Variants in PRDM16 observed in about 807,000 individuals in gnomAD.
PRDM16 encodes PR/SET domain 16, also known as histone-lysine N-methyltransferase PRDM16.
PRDM16 carries 23 observed loss-of-function variants against 110.6 expected under a neutral mutation model. That is an observed-to-expected ratio of 0.21 (90% CI 0.15 to 0.29). The LOEUF (loss-of-function observed/expected upper bound fraction) is 0.29, where lower values mean the gene tolerates loss of function less well. Ranked by LOEUF, PRDM16 falls within the 10% of genes least tolerant of loss-of-function variation. The pLI is 1.00. For missense variants in PRDM16, 1,615 were observed against 1,794.3 expected (o/e 0.90, Z 1.81); for synonymous variants, 799 against 781.8 (o/e 1.02, Z -0.37).
intron 2 of PRDM16, among the ~76,000 whole-genome samples, chr1:3,202,351 G>A (rs1490840153): frequency 6.6e-6 from 1 of 151,050 alleles, no homozygotes; most frequent in African/African-American, 2.4e-5. Flanking sequence ...GGGAGTCTGG[G>A]GGAGGCTGGG....
chr1:3,163,316 G>T (rs1309779222), intron 1 of PRDM16, among the ~76,000 whole-genome samples: 2 of 132,234 alleles, frequency 1.5e-5, no homozygotes, highest in Admixed American at 1.6e-4. Flanking sequence ...TGGGAGAGGG[G>T]ATGTCCGCAG....
intron 14 of PRDM16, among the ~76,000 whole-genome samples, chr1:3,426,659 C>T (rs562521937): frequency 6.6e-6 from 1 of 152,308 alleles, no homozygotes; most frequent in Admixed American, 6.5e-5. Context: ...CACACATGCA[C>T]ACATAGGTAT....
chr1:3,337,540 A>G (rs1642185703), intron 3 of PRDM16, among the ~76,000 whole-genome samples: 1 of 152,162 alleles, frequency 6.6e-6, no homozygotes, highest in Non-Finnish European at 1.5e-5. Context: ...GACCATCATC[A>G]GGGACCTTTG....
At chr1:3,387,948 C>CGCTGTGACG (rs1385559813) in intron 4 of PRDM16, among the ~76,000 whole-genome samples, 30 of 152,342 alleles carry the variant, frequency 2.0e-4, no homozygotes, top group African/African-American at 6.7e-4. Flanking sequence ...CCCTCTCGCG[C>CGCTGTGACG]GCTGTGACGG....
chr1:3,291,460 A>G (rs2100358938), intron 3 of PRDM16, among the ~76,000 whole-genome samples: 1 of 152,222 alleles, frequency 6.6e-6, no homozygotes, highest in East Asian at 2.0e-4. Context: ...TTTGGAAGAT[A>G]CCCCAATAAA....
In PRDM16 at chr1:3,358,878, G is replaced by A. The variant is rs1194221321; in HGVS notation, c.439-26274G>A. Among the ~76,000 whole-genome samples the A allele has an allele frequency of 6.6e-6, 1 of 152,142 alleles. No individual in the cohort carries two copies. The highest frequency in any genetic ancestry group is 1.5e-5 in the Non-Finnish European group (1 of 68,030). ...TTGAGGAAAACAGACACCCCTCTTG[G>A]GCCGCAGAGGAGGTGGGGAAGCCGT... is the stretch of plus-strand genomic sequence containing the variant. On this transcript the variant is annotated intron_variant, in intron 3 of 16. Transcript: ENST00000270722. The surrounding 1 kb of genome is among the most constrained non-coding windows in gnomAD (Gnocchi z 4.0).
chr1:3,296,353 A>G (rs1283736038), intron 3 of PRDM16, among the ~76,000 whole-genome samples: 1 of 152,210 alleles, frequency 6.6e-6, no homozygotes. Context: ...AGCTGCAGAA[A>G]TGGACATAAA....
intron 1 of PRDM16, among the ~76,000 whole-genome samples, chr1:3,083,988 C>T (rs543426627): frequency 5.9e-5 from 9 of 152,226 alleles, no homozygotes; most frequent in Admixed American, 3.3e-4. Flanking sequence ...AGACCCTGTT[C>T]GCGAGAGAAG....
intron 3 of PRDM16, among the ~76,000 whole-genome samples, chr1:3,352,968 G>A (rs552278779): frequency 2.6e-5 from 4 of 152,186 alleles, no homozygotes; most frequent in South Asian, 2.1e-4. Flanking sequence ...TGCAGGCTTC[G>A]GGGCCCATGC....
intron 16 of PRDM16, among the ~76,000 whole-genome samples, chr1:3,432,347 C>A (rs1212641779): frequency 6.6e-6 from 1 of 152,240 alleles, no homozygotes; most frequent in East Asian, 1.9e-4. Flanking sequence ...GAGCCGATGA[C>A]CCTGGCAGGA....
chr1:3,408,696 A>G (rs12063572), intron 8 of PRDM16, among the ~76,000 whole-genome samples: 34,745 of 133,010 alleles, frequency 0.26, 4,145 homozygotes, highest in African/African-American at 0.36. Context: ...GAGCCGGTGC[A>G]TGTGTTGGCG....
intron 1 of PRDM16, among the ~76,000 whole-genome samples, chr1:3,117,022 G>C (rs1371697640): frequency 6.6e-6 from 1 of 152,234 alleles, no homozygotes; most frequent in Non-Finnish European, 1.5e-5. Flanking sequence ...GGCCCTGAAA[G>C]TGGGGTGACA....
At chr1:3,337,138 C>G (rs1047780443) in intron 3 of PRDM16, among the ~76,000 whole-genome samples, 1 of 149,902 alleles carries the variant, frequency 6.7e-6, no homozygotes, top group African/African-American at 2.5e-5. Flanking sequence ...CATGCATGCA[C>G]ATATGTGTTG....
chr1:3,326,993 G>A (rs1045939408), intron 3 of PRDM16, among the ~76,000 whole-genome samples: 9 of 152,228 alleles, frequency 5.9e-5, no homozygotes, highest in Non-Finnish European at 1.2e-4. Flanking sequence ...AGGAGCCCAC[G>A]CACAGGGCCT....
intron 3 of PRDM16, among the ~76,000 whole-genome samples, chr1:3,264,112 C>G (rs1285895247): frequency 6.6e-6 from 1 of 152,202 alleles, no homozygotes; most frequent in Admixed American, 6.5e-5. Flanking sequence ...CAGAGCCCAC[C>G]ATCCCCTGGA....
At chr1:3,294,308 C>T (rs943881752) in intron 3 of PRDM16, among the ~76,000 whole-genome samples, 3 of 152,290 alleles carry the variant, frequency 2.0e-5, no homozygotes, top group South Asian at 2.1e-4. Flanking sequence ...AGGGCACCCC[C>T]GGACTTCTCC....
intron 3 of PRDM16, among the ~76,000 whole-genome samples, chr1:3,326,836 A>G (rs1641923676): frequency 6.6e-6 from 1 of 152,234 alleles, no homozygotes; most frequent in African/African-American, 2.4e-5. Context: ...AGGGTCAGGA[A>G]CAGAGAAGGT....
At chr1:3,324,435 T>C (rs1641839705) in intron 3 of PRDM16, among the ~76,000 whole-genome samples, 1 of 152,222 alleles carries the variant, frequency 6.6e-6, no homozygotes, top group African/African-American at 2.4e-5. Flanking sequence ...GCGATGCTCC[T>C]GGCTGGGCTC....
intron 3 of PRDM16, among the ~76,000 whole-genome samples, chr1:3,320,702 G>A (rs1402862961): frequency 6.6e-6 from 1 of 152,182 alleles, no homozygotes; most frequent in Non-Finnish European, 1.5e-5. Flanking sequence ...CCGCACAAAG[G>A]TCCTCCTGAG....
Sources: gnomAD v4.1 joint callset for allele counts (sites outside exome capture counted in the v4.1 genomes callset) on GRCh38, gnomAD v4.1.1 for gene constraint, Gnocchi (gnomAD v3.1) non-coding constraint, MANE v1.5 for transcripts, NCBI Gene and HGNC (gene_info 2026-07-23, HGNC 2026-07-21) for gene names.